The following GABRB1 variants were observed in gnomAD, a reference collection of about 807,000 sequenced individuals.
The protein encoded by GABRB1 is gamma-aminobutyric acid type A receptor subunit beta1, also known as gamma-aminobutyric acid receptor subunit beta-1.
In GABRB1, 17 loss-of-function variants were observed where a neutral mutation model predicts 51.6. The ratio of observed to expected loss-of-function variants is 0.33; its 90% CI spans 0.23 to 0.49. The LOEUF (loss-of-function observed/expected upper bound fraction) is 0.49, where lower values mean the gene tolerates loss of function less well. Among genes scored for constraint, GABRB1 ranks in the 20% least tolerant of loss-of-function variants. The pLI, the probability that GABRB1 is intolerant of heterozygous loss-of-function variation, is 0.99. For missense variants in GABRB1, 410 were observed against 600.6 expected, an observed-to-expected ratio of 0.68 and a Z score of 3.32; for synonymous variants, 247 against 218.9, an observed-to-expected ratio of 1.13 and a Z score of -1.14.
chr4:47,225,770 C>A (rs1353442130), intron 4 of GABRB1, among the ~76,000 whole-genome samples: 1 of 152,156 alleles, frequency 6.6e-6, no homozygotes, highest in Non-Finnish European at 1.5e-5. Context: ...ATCTGTTAAT[C>A]ACCATGAAAT....
chr4:47,383,594 G>A (rs902001491), intron 5 of GABRB1, among the ~76,000 whole-genome samples: 2 of 152,134 alleles, frequency 1.3e-5, no homozygotes, highest in African/African-American at 4.8e-5. Context: ...ATTGCTTCCA[G>A]TTGTAAAATC....
chr4:47,308,415 TC>T (rs1206509220), intron 4 of GABRB1, among the ~76,000 whole-genome samples: 2 of 152,120 alleles, frequency 1.3e-5, no homozygotes, highest in African/African-American at 4.8e-5. Flanking sequence ...CCTGCTTTTA[TC>T]CCCTTAGGGA....
intron 4 of GABRB1, among the ~76,000 whole-genome samples, chr4:47,307,534 T>G (rs999610646): frequency 2.0e-5 from 3 of 152,058 alleles, no homozygotes; most frequent in African/African-American, 4.8e-5. Flanking sequence ...ACAGGCCTTA[T>G]TTTAATTTTT....
At chr4:47,222,072 T>C (rs1421571232) in intron 4 of GABRB1, among the ~76,000 whole-genome samples, 4 of 152,084 alleles carry the variant, frequency 2.6e-5, no homozygotes, top group Admixed American at 1.3e-4. Context: ...GCACTAAATA[T>C]ACATTACTGC....
At chr4:47,256,376 G>A (rs1247680314) in intron 4 of GABRB1, among the ~76,000 whole-genome samples, 2 of 152,132 alleles carry the variant, frequency 1.3e-5, no homozygotes, top group Non-Finnish European at 2.9e-5. Flanking sequence ...GACCATTTTG[G>A]TACTCTTTTT....
At chr4:47,165,974 C>A (rs1459249007) in intron 4 of GABRB1, among the ~76,000 whole-genome samples, 1 of 152,050 alleles carries the variant, frequency 6.6e-6, no homozygotes, top group Non-Finnish European at 1.5e-5. Flanking sequence ...TCTCAATCTT[C>A]TCTATTTCCA....
intron 5 of GABRB1, among the ~76,000 whole-genome samples, chr4:47,362,428 A>C (rs772097956): frequency 1.1e-4 from 16 of 152,278 alleles, no homozygotes; most frequent in Non-Finnish European, 2.9e-5. Context: ...TTATATCTGT[A>C]ATGAGAGTAT....
In GABRB1 at chr4:47,241,033, C is replaced by A. The variant is rs186924632; in HGVS notation, c.462-79094C>A. On this transcript the variant is annotated intron_variant, in intron 4 of 8. Coordinates refer to ENST00000295454, the MANE Select transcript of GABRB1 (RefSeq NM_000812.4). ...AATCTTTTTTAAAAAAATAATGAATCAGCATTCCTCATTTCCTTTCCAGAT... is the reference window on the plus strand; with the variant it reads ...AATCTTTTTTAAAAAAATAATGAATAAGCATTCCTCATTTCCTTTCCAGAT... Among the ~76,000 whole-genome samples the A allele has an allele frequency of 2.0e-5, 3 of 152,210 alleles. No individual in the cohort carries two copies. In the East Asian group the frequency reaches 5.8e-4, roughly 29 times the overall value.
chr4:47,031,478 G>T, upstream of GABRB1: 1 of 619,674 alleles, frequency 1.6e-6, no homozygotes. Context: ...TAGAGGGATT[G>T]AAATCTGTTG....
At chr4:47,163,338 T>C (rs1377099035) in intron 4 of GABRB1, among the ~76,000 whole-genome samples, 7 of 152,072 alleles carry the variant, frequency 4.6e-5, no homozygotes, top group Admixed American at 2.0e-4. Flanking sequence ...GCAAACTGCA[T>C]ACTCAGGATA....
Position 47,299,645 on chromosome 4 carries a change from C to T in GABRB1, c.462-20482C>T, listed in dbSNP as rs534775031. 8.0e-4 allele frequency among the ~76,000 whole-genome samples: 122 copies of T among 152,180 alleles called. 2 individuals are homozygous for T. Among genetic ancestry groups the T allele is most frequent in the Admixed American group, 7.9e-3 (121 of 15,282 alleles). On this transcript the variant is annotated intron_variant, in intron 4 of 8. Transcript: ENST00000295454. ...GAACACTTTTACACTGTTGGTGGGA[C>T]TGTAAACTAGTTCAACCATTGTGGA... is the stretch of plus-strand genomic sequence containing the variant.
chr4:47,281,220 A>T (rs1340345229), intron 4 of GABRB1, among the ~76,000 whole-genome samples: 5 of 152,190 alleles, frequency 3.3e-5, no homozygotes, highest in Non-Finnish European at 7.3e-5. Context: ...TAATCTGATT[A>T]AAAAATGAAC....
chr4:47,384,873 G>A (rs1470262171), intron 5 of GABRB1, among the ~76,000 whole-genome samples: 6 of 152,054 alleles, frequency 3.9e-5, no homozygotes, highest in Admixed American at 3.9e-4. Context: ...TTAAAATAAA[G>A]CAATGATGCA....
intron 4 of GABRB1, among the ~76,000 whole-genome samples, chr4:47,309,129 G>C (rs963442947): frequency 6.6e-6 from 1 of 152,028 alleles, no homozygotes; most frequent in Non-Finnish European, 1.5e-5. Context: ...TGTGTATAAT[G>C]ATACAATTTA....
intron 4 of GABRB1, among the ~76,000 whole-genome samples, chr4:47,212,656 G>A (rs1407451650): frequency 6.6e-6 from 1 of 152,082 alleles, no homozygotes. Flanking sequence ...TCCAGCCTGA[G>A]TGACAGAGTG....
intron 3 of GABRB1, among the ~76,000 whole-genome samples, chr4:47,062,722 A>G (rs1726894593): frequency 6.6e-6 from 1 of 152,190 alleles, no homozygotes; most frequent in Non-Finnish European, 1.5e-5. Flanking sequence ...CTTGTAATAA[A>G]CAAGGCGTCC....
intron 4 of GABRB1, among the ~76,000 whole-genome samples, chr4:47,162,044 A>T (rs150454776): frequency 6.6e-6 from 1 of 152,084 alleles, no homozygotes; most frequent in East Asian, 1.9e-4. Context: ...GTAAAATAAC[A>T]TCAATTGTTC....
chr4:47,124,792 G>A (rs1277235838), intron 3 of GABRB1, among the ~76,000 whole-genome samples: 3 of 152,080 alleles, frequency 2.0e-5, no homozygotes, highest in East Asian at 1.9e-4. Context: ...GACAGGTCAT[G>A]TGAAATCATC....
Position 47,403,563 on chromosome 4 carries a change from G to T in GABRB1, c.687G>T (p.Ala229=). ...GTCTTTTGTTTCTCAACTCAGGAGC[G>T]TATCCACGACTGTCACTAAGTTTTC... ...VSKKVEFTTG[A]YPRLSLSFRL... is the part of the protein sequence containing the mutation. Residue 229 remains alanine (A), a synonymous_variant, in exon 7 of 9, where the codon GCG becomes GCT. Transcript: ENST00000295454. The T allele has an allele frequency of 1.2e-6, 2 of 1,613,784 alleles. No individual in the cohort carries two copies. The highest frequency in any genetic ancestry group is 1.7e-6 in the Non-Finnish European group (2 of 1,179,874).
Sources: gnomAD v4.1 joint callset for allele counts (sites outside exome capture counted in the v4.1 genomes callset) on GRCh38, gnomAD v4.1.1 for gene constraint, MANE v1.5 for transcripts, NCBI Gene and HGNC (gene_info 2026-07-23, HGNC 2026-07-21) for gene names.